DCC: variants seen among roughly 807,000 people sequenced by gnomAD.
DCC encodes the protein DCC netrin 1 receptor.
A neutral mutation model predicts 172.5 loss-of-function variants in DCC; 58 were observed. The observed-to-expected ratio is 0.34, with a 90% CI of 0.27 to 0.42. The LOEUF is 0.42. Ranked by LOEUF, DCC falls within the 10% of genes least tolerant of loss-of-function variation. The pLI is 1.00. For missense variants in DCC, 1,740 were observed against 1,791.0 expected (o/e 0.97, Z 0.51); for synonymous variants, 709 against 644.5 (o/e 1.10, Z -1.52).
chr18:52,972,664 G>T (rs1005684295), intron 5 of DCC, among the ~76,000 whole-genome samples: 4 of 151,698 alleles, frequency 2.6e-5, no homozygotes, highest in African/African-American at 9.7e-5. Flanking sequence ...AGGAATTAAA[G>T]TCTGCCTTAT....
intron 15 of DCC, 144 bp downstream of exon 15, chr18:53,340,051 C>CACAG (rs2057638919): frequency 1.9e-6 from 1 of 535,970 alleles, no homozygotes; most frequent in African/African-American, 2.1e-5. Context: ...TCTATCTACA[C>CACAG]ACACACACAC....
chr18:52,532,759 C>T (rs1378730508), intron 1 of DCC, among the ~76,000 whole-genome samples: 1 of 151,962 alleles, frequency 6.6e-6, no homozygotes, highest in East Asian at 1.9e-4. Flanking sequence ...GGGCCACCTT[C>T]CCAAACCTGG....
intron 8 of DCC, among the ~76,000 whole-genome samples, chr18:53,177,434 G>A (rs1020750618): frequency 2.0e-5 from 3 of 152,172 alleles, no homozygotes; most frequent in Non-Finnish European, 4.4e-5. Flanking sequence ...AATACTAGCA[G>A]TGCTAGTTAA....
chr18:52,805,316 T>C (rs2038066078), intron 2 of DCC, among the ~76,000 whole-genome samples: 1 of 152,228 alleles, frequency 6.6e-6, no homozygotes. Flanking sequence ...TCTTAGGAAC[T>C]TTGTCAGAAT....
At chr18:53,200,949 T>G (rs914695285) in intron 9 of DCC, among the ~76,000 whole-genome samples, 3 of 152,096 alleles carry the variant, frequency 2.0e-5, no homozygotes, top group African/African-American at 7.2e-5. Flanking sequence ...CACCTCACAC[T>G]CCTTCCTTCT....
At chr18:52,691,790 C>A (rs2035933599) in intron 1 of DCC, among the ~76,000 whole-genome samples, 1 of 152,098 alleles carries the variant, frequency 6.6e-6, no homozygotes, top group East Asian at 1.9e-4. Context: ...TGCTTTCTTC[C>A]CATGCTTCCA....
chr18:52,681,259 T>C (rs1399464818), intron 1 of DCC, among the ~76,000 whole-genome samples: 1 of 152,088 alleles, frequency 6.6e-6, no homozygotes, highest in Non-Finnish European at 1.5e-5. Context: ...CAAAGCCATT[T>C]TTTTCTCACT....
chr18:53,064,742 C>G (rs1272898877), intron 6 of DCC, among the ~76,000 whole-genome samples: 3 of 152,074 alleles, frequency 2.0e-5, no homozygotes, highest in Admixed American at 6.6e-5. Context: ...AAAATTTTAA[C>G]TTTTAAATGC....
At chr18:53,488,434 TG>T (rs1483550574) in intron 26 of DCC, among the ~76,000 whole-genome samples, 1 of 152,180 alleles carries the variant, frequency 6.6e-6, no homozygotes, top group Non-Finnish European at 1.5e-5. Flanking sequence ...CCATCATGAC[TG>T]GTACAAGCCA....
At chr18:53,300,256 C>T (rs2057116686) in intron 12 of DCC, among the ~76,000 whole-genome samples, 1 of 152,118 alleles carries the variant, frequency 6.6e-6, no homozygotes, top group African/African-American at 2.4e-5. Context: ...ACCCTTGGTG[C>T]TTTGTGGTTA....
chr18:52,651,715 TCC>T (rs777921421), intron 1 of DCC, among the ~76,000 whole-genome samples: 3 of 152,128 alleles, frequency 2.0e-5, no homozygotes, highest in African/African-American at 4.8e-5. Flanking sequence ...TCAACAGCAT[TCC>T]ACAAGTGCTT....
At chr18:52,558,543 A>T (rs553565041) in intron 1 of DCC, among the ~76,000 whole-genome samples, 1 of 152,168 alleles carries the variant, frequency 6.6e-6, no homozygotes, top group African/African-American at 2.4e-5. Flanking sequence ...GCAGGATACT[A>T]TGTTCCTCTA....
At chr18:53,358,899 G>C (rs2057912722) in intron 15 of DCC, among the ~76,000 whole-genome samples, 1 of 152,144 alleles carries the variant, frequency 6.6e-6, no homozygotes, top group Non-Finnish European at 1.5e-5. Flanking sequence ...AAAAGAATAA[G>C]TGTGGTCACA....
At chr18:52,467,733 C>A (rs1432007163) in intron 1 of DCC, among the ~76,000 whole-genome samples, 2 of 152,102 alleles carry the variant, frequency 1.3e-5, no homozygotes, top group Non-Finnish European at 2.9e-5. Context: ...TTTTAATAAT[C>A]TTCATTCTAA....
At chr18:52,515,539 T>G (rs546888800) in intron 1 of DCC, among the ~76,000 whole-genome samples, 10 of 134,126 alleles carry the variant, frequency 7.5e-5, no homozygotes, top group Admixed American at 6.4e-4. Flanking sequence ...CCCAGGAGGC[T>G]GAGCTTGCAG....
intron 2 of DCC, among the ~76,000 whole-genome samples, chr18:52,794,070 G>A (rs1412448624): frequency 6.6e-6 from 1 of 152,070 alleles, no homozygotes; most frequent in Non-Finnish European, 1.5e-5. Flanking sequence ...TGTAGTATAT[G>A]TTAGGTAGTA....
intron 9 of DCC, among the ~76,000 whole-genome samples, chr18:53,201,286 C>A (rs191891073): frequency 6.6e-6 from 1 of 152,200 alleles, no homozygotes; most frequent in Admixed American, 6.5e-5. Context: ...CCAGATTGAG[C>A]CATGTTCACA....
At chr18:52,433,441 G>A (rs922427398) in intron 1 of DCC, among the ~76,000 whole-genome samples, 15 of 152,138 alleles carry the variant, frequency 9.9e-5, no homozygotes, top group African/African-American at 2.9e-4. Flanking sequence ...TGGGACTAGA[G>A]TTTTGAGCTA....
intron 2 of DCC, chr18:52,754,110 A>G (rs1042186084): frequency 6.6e-6 from 1 of 152,138 alleles, no homozygotes; most frequent in African/African-American, 2.4e-5. Context: ...ATCTTGGAAG[A>G]CTGATCAGAA....
Sources: gnomAD v4.1 joint callset for allele counts (sites outside exome capture counted in the v4.1 genomes callset) on GRCh38, gnomAD v4.1.1 for gene constraint, MANE v1.5 for transcripts, NCBI Gene and HGNC (gene_info 2026-07-23, HGNC 2026-07-21) for gene names.